The following MCCC2 variants were observed in gnomAD, a reference collection of about 807,000 sequenced individuals.
The protein encoded by MCCC2 is methylcrotonoyl-CoA carboxylase beta chain, mitochondrial.
Under a neutral mutation model 77.2 loss-of-function variants are expected in MCCC2, and 52 were observed. That is an observed-to-expected ratio of 0.67 (90% CI 0.54 to 0.85). The LOEUF (loss-of-function observed/expected upper bound fraction) is 0.85. MCCC2 is among the 40% of genes least tolerant of loss of function. The pLI, the probability that MCCC2 is intolerant of heterozygous loss-of-function variation, is 0.00. For synonymous variants in MCCC2, 253 were observed against 248.4 expected, an observed-to-expected ratio of 1.02 and a Z score of -0.18; for missense variants, 682 against 703.2, an observed-to-expected ratio of 0.97 and a Z score of 0.34.
intron 7 of MCCC2, among the ~76,000 whole-genome samples, chr5:71,629,397 G>A (rs1271151106): frequency 6.6e-6 from 1 of 152,114 alleles, no homozygotes; most frequent in African/African-American, 2.4e-5. Context: ...TTCTGGAATT[G>A]GGTAGTGGTG....
intron 6 of MCCC2, among the ~76,000 whole-genome samples, chr5:71,618,482 T>C (rs894645162): frequency 6.7e-6 from 1 of 150,152 alleles, no homozygotes; most frequent in Non-Finnish European, 1.5e-5. Flanking sequence ...TCTTTCCTTC[T>C]TTCCTTCTTC....
At chr5:71,627,600 T>C (rs150775577) in intron 7 of MCCC2, among the ~76,000 whole-genome samples, 173 of 152,348 alleles carry the variant, frequency 1.1e-3, no homozygotes, top group African/African-American at 4.1e-3. Context: ...ATGAGTAGAA[T>C]TGCTGGATCA....
rs781013376 is a variant in MCCC2 at position 71,641,076 on chromosome 5, G to A, written c.1072+1G>A. ...TTTTATGGAGACACATTAGTTACAG[G>A]TATAAAGGTGAAGAATTGAAAATAC... On this transcript the variant is annotated splice_donor_variant, in intron 11 of 16. Coordinates refer to ENST00000340941, the MANE Select transcript of MCCC2 (RefSeq NM_022132.5). LOFTEE classifies it high-confidence loss of function. 2.5e-6 allele frequency: 4 copies of A among 1,612,396 alleles called. No homozygotes were observed. The highest frequency in any genetic ancestry group is 3.4e-6 in the Non-Finnish European group (4 of 1,178,574).
At chr5:71,642,842 CATG>C (rs1747163269) in intron 11 of MCCC2, among the ~76,000 whole-genome samples, 1 of 152,114 alleles carries the variant, frequency 6.6e-6, no homozygotes, top group African/African-American at 2.4e-5. Flanking sequence ...ATTAAATAAA[CATG>C]ATAAGTTAGC....
Position 71,597,671 on chromosome 5 carries a change from T to G in MCCC2, c.281+1307T>G, listed in dbSNP as rs143764443. ...AAGTGAAAACTCCCAAAGTATTTTT[T>G]CTCCTGACACGTGCACACACATCCA... On this transcript the variant is annotated intron_variant, in intron 3 of 16. Coordinates refer to ENST00000340941, the MANE Select transcript of MCCC2 (RefSeq NM_022132.5). Among the ~76,000 whole-genome samples the G allele has an allele frequency of 2.6e-5, 4 of 152,272 alleles. No homozygotes were observed. In the East Asian group the frequency reaches 7.7e-4, roughly 29 times the overall value.
intron 6 of MCCC2, among the ~76,000 whole-genome samples, chr5:71,608,521 T>C (rs1745784632): frequency 6.6e-6 from 1 of 150,520 alleles, no homozygotes; most frequent in Non-Finnish European, 1.5e-5. Context: ...GGGTCTTGAC[T>C]CTTTATCCAG....
In MCCC2 at chr5:71,596,300, G is replaced by T. The variant is rs1745185402; in HGVS notation, c.217G>T (p.Ala73Ser). 3 of 1,613,972 alleles carry T rather than the reference G, an allele frequency of 1.9e-6. No homozygotes were observed. In the Admixed American group the frequency reaches 5.0e-5, roughly 27 times the overall value. ...CATAGGAGGTGGTGAGAAAGCCCGA[G>T]CACTTCACATATCAAGAGGAAAACT... The part of the protein sequence containing the change: ...IKLGGGEKAR[A>S]LHISRGKLLP... Residue 73 changes from alanine to serine, a missense_variant, in exon 3 of 17, where the codon GCA becomes TCA. By Grantham distance (99) the Ala-to-Ser change is moderately conservative. Coordinates refer to ENST00000340941, the MANE Select transcript of MCCC2 (RefSeq NM_022132.5).
intron 6 of MCCC2, among the ~76,000 whole-genome samples, chr5:71,615,476 G>A (rs1746130420): frequency 6.6e-6 from 1 of 151,810 alleles, no homozygotes; most frequent in South Asian, 2.1e-4. Context: ...TAACGATTTA[G>A]CCAGATCTCA....
chr5:71,653,410 C>T (rs1397146538), intron 16 of MCCC2, among the ~76,000 whole-genome samples: 2 of 149,570 alleles, frequency 1.3e-5, no homozygotes, highest in African/African-American at 4.8e-5. Context: ...TAGTGTTCTG[C>T]ATTCCGAAGA....
At chr5:71,618,772 T>C (rs755270381) in intron 6 of MCCC2, among the ~76,000 whole-genome samples, 13 of 152,200 alleles carry the variant, frequency 8.5e-5, no homozygotes, top group Non-Finnish European at 1.3e-4. Context: ...ATGGTTTCCA[T>C]GTCTGGCTTT....
intron 11 of MCCC2, 63 bp from the exon 12 acceptor site, chr5:71,643,756 T>G: frequency 6.2e-7 from 1 of 1,613,684 alleles, no homozygotes; most frequent in Non-Finnish European, 8.5e-7. Context: ...TATGCCTCTT[T>G]CTTGTGAATT....
At chr5:71,632,631 G>A (rs888712636) in intron 8 of MCCC2, among the ~76,000 whole-genome samples, 2 of 152,290 alleles carry the variant, frequency 1.3e-5, no homozygotes, top group South Asian at 2.1e-4. Context: ...GCCCTGGGGT[G>A]TACAGTTAAA....
At chr5:71,605,815 A>G (rs1454361981) in intron 6 of MCCC2, among the ~76,000 whole-genome samples, 117 of 152,120 alleles carry the variant, frequency 7.7e-4, no homozygotes, top group African/African-American at 1.5e-3. Flanking sequence ...AGTTTTCCCA[A>G]CACCATTTAT....
At chr5:71,619,911 G>C (rs1243026994) in intron 6 of MCCC2, among the ~76,000 whole-genome samples, 1 of 151,842 alleles carries the variant, frequency 6.6e-6, no homozygotes, top group South Asian at 2.1e-4. Flanking sequence ...GAATCGCTTG[G>C]ACCCGGGAGG....
chr5:71,649,336 A>G (rs1027770047), intron 14 of MCCC2, 83 bp downstream of exon 14: 1 of 1,300,676 alleles, frequency 7.7e-7, no homozygotes. Context: ...GTGTATTTGA[A>G]ATATAGAATG....
chr5:71,599,672 G>C lies in MCCC2; in HGVS notation c.295G>C (p.Glu99Gln), dbSNP rs119103219. Residue 99 changes from glutamate to glutamine, a missense_variant, in exon 4 of 17, where the codon GAA (glutamate) becomes CAA (glutamine). Coordinates refer to ENST00000340941, the MANE Select transcript of MCCC2 (RefSeq NM_022132.5). ...TCTTCGCTTTAGGTCTCCATTTCTG[G>C]AATTATCCCAGTTTGCAGGTTACCA... is the stretch of plus-strand genomic sequence containing the variant. ...NLIDPGSPFLELSQFAGYQLY... is the reference protein window; with the variant it reads ...NLIDPGSPFLQLSQFAGYQLY... 117 of 1,613,846 alleles carry C rather than the reference G, an allele frequency of 7.2e-5. No homozygotes were observed. Among genetic ancestry groups the C allele is most frequent in the Non-Finnish European group, 8.0e-5 (94 of 1,179,864 alleles).
chr5:71,631,920 C>T lies in MCCC2; in HGVS notation c.739-201C>T, dbSNP rs79414974. On this transcript the variant is annotated intron_variant, in intron 7 of 16. Coordinates refer to ENST00000340941, the MANE Select transcript of MCCC2 (RefSeq NM_022132.5). The stretch of plus-strand genomic sequence containing the variant: ...GACTGTAAGCAAGTTCTTTGTGACT[C>T]TGGGCTTAGATTTTTCACCTGTAAG... Among the ~76,000 whole-genome samples the T allele has an allele frequency of 8.7e-3, 1,319 of 152,246 alleles. 24 individuals are homozygous for T. Among genetic ancestry groups the T allele is most frequent in the African/African-American group, 0.03 (1,227 of 41,540 alleles).
At chr5:71,653,462 T>C (rs1446716425) in intron 16 of MCCC2, among the ~76,000 whole-genome samples, 1 of 152,124 alleles carries the variant, frequency 6.6e-6, no homozygotes, top group Non-Finnish European at 1.5e-5. Flanking sequence ...CTTGGGCAGA[T>C]GGAAAAAAGA....
intron 12 of MCCC2, 25 bp downstream of exon 12, chr5:71,643,920 A>T: frequency 6.2e-7 from 1 of 1,613,508 alleles, no homozygotes; most frequent in Non-Finnish European, 8.5e-7. Context: ...AAATATTTCA[A>T]GATTTTCTGT....
Sources: gnomAD v4.1 joint callset for allele counts (sites outside exome capture counted in the v4.1 genomes callset) on GRCh38, gnomAD v4.1.1 for gene constraint, MANE v1.5 for transcripts, NCBI Gene and HGNC (gene_info 2026-07-23, HGNC 2026-07-21) for gene names.